Variants in ATG5 observed in about 807,000 individuals in gnomAD.
ATG5 encodes autophagy protein 5.
Under a neutral mutation model 36.5 loss-of-function variants are expected in ATG5, and 14 were observed. The ratio of observed to expected loss-of-function variants is 0.38; its 90% CI spans 0.25 to 0.60. ATG5 has a LOEUF of 0.60. ATG5 is among the 20% of genes least tolerant of loss of function. ATG5 has a pLI of 0.60. For synonymous variants in ATG5, 95 were observed against 101.5 expected, an observed-to-expected ratio of 0.94 and a Z score of 0.38; for missense variants, 195 against 326.7, an observed-to-expected ratio of 0.60 and a Z score of 3.11.
At chr6:106,208,265 C>T (rs1469912944) in intron 6 of ATG5, among the ~76,000 whole-genome samples, 1 of 152,124 alleles carries the variant, frequency 6.6e-6, no homozygotes, top group African/African-American at 2.4e-5. Context: ...TGTGTAAACA[C>T]ATATGTATAT....
At chr6:106,202,721 G>A (rs1026039519) in intron 6 of ATG5, among the ~76,000 whole-genome samples, 2 of 152,118 alleles carry the variant, frequency 1.3e-5, no homozygotes, top group Admixed American at 6.5e-5. Flanking sequence ...GAGTGCAGTG[G>A]CGCGATCTCA....
intron 5 of ATG5, among the ~76,000 whole-genome samples, chr6:106,258,100 C>G (rs1262418209): frequency 2.0e-5 from 3 of 152,136 alleles, no homozygotes; most frequent in Admixed American, 2.0e-4. Flanking sequence ...TTATTTTGCA[C>G]TTGTAATGCT....
rs75910740 is a variant in ATG5 at position 106,303,057 on chromosome 6, A to G, written c.236+5307T>C. Among the ~76,000 whole-genome samples, 629 of 152,152 alleles carry G rather than the reference A, an allele frequency of 4.1e-3. 14 individuals carry two copies. The highest frequency in any genetic ancestry group is 0.033 in the East Asian group (172 of 5,188). On this transcript the variant is annotated intron_variant, in intron 3 of 7. Transcript: ENST00000369076. ...AATAACCTAAGTCCCTTTTCAAGAA[A>G]CTAGAAAAAAATAATAAAACCAAAG...
intron 3 of ATG5, among the ~76,000 whole-genome samples, chr6:106,302,284 T>C (rs73761676): frequency 6.6e-6 from 1 of 152,120 alleles, no homozygotes; most frequent in African/African-American, 2.4e-5. Flanking sequence ...CCCACATTCA[T>C]TAAAACAAGT....
At chr6:106,213,434 G>A (rs962090654) in intron 6 of ATG5, among the ~76,000 whole-genome samples, 2 of 152,118 alleles carry the variant, frequency 1.3e-5, no homozygotes, top group African/African-American at 4.8e-5. Flanking sequence ...GCTAATTGTG[G>A]TAGAAAGTAA....
intron 1 of ATG5, among the ~76,000 whole-genome samples, chr6:106,323,067 T>A (rs559378539): frequency 6.6e-6 from 1 of 151,950 alleles, no homozygotes; most frequent in African/African-American, 2.4e-5. Flanking sequence ...TACAAGCGCT[T>A]GCCACCAGGC....
chr6:106,309,424 C>T (rs889004391), intron 2 of ATG5, among the ~76,000 whole-genome samples: 1 of 151,992 alleles, frequency 6.6e-6, no homozygotes, highest in Non-Finnish European at 1.5e-5. Flanking sequence ...CTAGGGGCTA[C>T]AGAATACAGG....
At chr6:106,188,853 A>G (rs1236324756) in intron 7 of ATG5, among the ~76,000 whole-genome samples, 2 of 152,224 alleles carry the variant, frequency 1.3e-5, no homozygotes, top group African/African-American at 2.4e-5. Context: ...GGTTTTAAAT[A>G]TATTATTTTG....
At chr6:106,192,755 A>T (rs973672126) in intron 7 of ATG5, among the ~76,000 whole-genome samples, 11 of 152,182 alleles carry the variant, frequency 7.2e-5, no homozygotes, top group African/African-American at 2.7e-4. Context: ...AAATTTCTGA[A>T]AAATACTTAA....
intron 3 of ATG5, 91 bp downstream of exon 3, chr6:106,308,273 G>C: frequency 8.8e-7 from 1 of 1,142,480 alleles, no homozygotes; most frequent in Non-Finnish European, 1.2e-6. Context: ...TTCTATCCTC[G>C]CAGGACTTTT....
chr6:106,212,245 G>T (rs1288657448), intron 6 of ATG5, among the ~76,000 whole-genome samples: 1 of 152,090 alleles, frequency 6.6e-6, no homozygotes, highest in Non-Finnish European at 1.5e-5. Context: ...AACTGAAAAG[G>T]CATTTTAGAA....
intron 6 of ATG5, among the ~76,000 whole-genome samples, chr6:106,215,879 A>G (rs117781745): frequency 2.0e-5 from 3 of 152,232 alleles, no homozygotes; most frequent in Admixed American, 6.5e-5. Flanking sequence ...ACTATTCAGA[A>G]TATGTAAAGA....
chr6:106,317,957 C>T (rs1347341814), intron 1 of ATG5, among the ~76,000 whole-genome samples: 1 of 152,134 alleles, frequency 6.6e-6, no homozygotes, highest in East Asian at 1.9e-4. Flanking sequence ...ATGATACATC[C>T]AGTTAGTCAA....
At chr6:106,288,428 T>G (rs1780171491) in intron 4 of ATG5, among the ~76,000 whole-genome samples, 1 of 152,182 alleles carries the variant, frequency 6.6e-6, no homozygotes. Flanking sequence ...TTCATTGTTT[T>G]GGTAAACAAA....
intron 5 of ATG5, among the ~76,000 whole-genome samples, chr6:106,249,444 G>A (rs568098687): frequency 9.9e-5 from 15 of 152,138 alleles, no homozygotes; most frequent in South Asian, 6.2e-4. Flanking sequence ...TTGCTTTTAC[G>A]GCTGAATAAT....
chr6:106,252,386 A>C (rs757497400), intron 5 of ATG5, among the ~76,000 whole-genome samples: 1 of 151,972 alleles, frequency 6.6e-6, no homozygotes, highest in Non-Finnish European at 1.5e-5. Flanking sequence ...TTCCTCAAAA[A>C]TCCTGATGGT....
chr6:106,317,591 T>G (rs1770899831), intron 1 of ATG5, among the ~76,000 whole-genome samples: 2 of 152,214 alleles, frequency 1.3e-5, no homozygotes, highest in Admixed American at 1.3e-4. Flanking sequence ...CTGAGTCCAG[T>G]GCTCTTTCCA....
intron 7 of ATG5, among the ~76,000 whole-genome samples, chr6:106,193,768 C>T (rs1354953735): frequency 6.6e-6 from 1 of 152,148 alleles, no homozygotes; most frequent in Non-Finnish European, 1.5e-5. Context: ...AATAGCTCAA[C>T]TTACTTGCTT....
intron 5 of ATG5, among the ~76,000 whole-genome samples, chr6:106,275,158 G>A (rs530198272): frequency 6.6e-6 from 1 of 152,302 alleles, no homozygotes; most frequent in East Asian, 1.9e-4. Context: ...TAAAGCATCA[G>A]TAGGAGTTAA....
Sources: gnomAD v4.1 joint callset for allele counts (sites outside exome capture counted in the v4.1 genomes callset) on GRCh38, gnomAD v4.1.1 for gene constraint, MANE v1.5 for transcripts, NCBI Gene and HGNC (gene_info 2026-07-23, HGNC 2026-07-21) for gene names.